CELF2: variants seen among roughly 807,000 people sequenced by gnomAD.
The protein encoded by CELF2 is CUGBP Elav-like family member 2.
CELF2 carries 8 observed loss-of-function variants against 62.6 expected under a neutral mutation model. The ratio of observed to expected loss-of-function variants is 0.13; its 90% CI spans 0.07 to 0.23. The LOEUF (loss-of-function observed/expected upper bound fraction) is 0.23, where lower values mean the gene tolerates loss of function less well. CELF2 is among the 10% of genes least tolerant of loss of function. The pLI, the probability that CELF2 is intolerant of heterozygous loss-of-function variation, is 1.00. For synonymous variants in CELF2, 258 were observed against 250.0 expected (o/e 1.03, Z -0.30); for missense variants, 333 against 671.0 (o/e 0.50, Z 5.56).
intron 1 of CELF2, among the ~76,000 whole-genome samples, chr10:10,852,436 T>C (rs558068983): frequency 2.6e-5 from 4 of 152,138 alleles, no homozygotes; most frequent in African/African-American, 9.6e-5. Context: ...GGTGCTGGAG[T>C]TGGGGCTGGA....
At chr10:11,017,141 C>G (rs377474530), upstream of CELF2, among the ~76,000 whole-genome samples, 2 of 152,158 alleles carry the variant, frequency 1.3e-5, no homozygotes, top group East Asian at 3.8e-4. The surrounding 1 kb of genome is among the most constrained non-coding windows in gnomAD (Gnocchi z 5.5). Flanking sequence ...CCATTTTTCT[C>G]AATTCTTGTT....
the CELF2 span, among the ~76,000 whole-genome samples, chr10:10,652,951 T>G: frequency 6.6e-6 from 1 of 152,270 alleles, no homozygotes; most frequent in African/African-American, 2.4e-5. Context: ...GACCCATCAG[T>G]GTGCTGTACT....
chr10:10,530,271 T>C, the CELF2 span, among the ~76,000 whole-genome samples: 14 of 152,292 alleles, frequency 9.2e-5, no homozygotes, highest in African/African-American at 3.4e-4. Context: ...TTATACAGGA[T>C]AAAAAGATTG....
chr10:11,048,525 T>C (rs2063277199), intron 1 of CELF2, among the ~76,000 whole-genome samples: 1 of 152,230 alleles, frequency 6.6e-6, no homozygotes, highest in Non-Finnish European at 1.5e-5. Context: ...GGTTTTCTGT[T>C]TTATCCCACC....
At chr10:10,896,382 A>G (rs1763354475) in intron 1 of CELF2, among the ~76,000 whole-genome samples, 1 of 152,140 alleles carries the variant, frequency 6.6e-6, no homozygotes, top group South Asian at 2.1e-4. Context: ...GGAAAGGATA[A>G]AAAAAGATAC....
chr10:10,741,492 C>CA, the CELF2 span, among the ~76,000 whole-genome samples: 13,269 of 56,832 alleles, frequency 0.23, 2,050 homozygotes, highest in East Asian at 0.48. Context: ...GACTCCGTCT[C>CA]AAAAAAAAAA....
At chr10:11,252,804 C>T (rs1260132290) in intron 4 of CELF2, among the ~76,000 whole-genome samples, 2 of 152,204 alleles carry the variant, frequency 1.3e-5, no homozygotes, top group Non-Finnish European at 2.9e-5. Context: ...GAAGCAAAAA[C>T]TGCTGGGGCT....
intron 9 of CELF2, among the ~76,000 whole-genome samples, chr10:11,299,348 C>T (rs975036500): frequency 6.6e-6 from 1 of 152,236 alleles, no homozygotes; most frequent in African/African-American, 2.4e-5. Context: ...TGTGACGTCC[C>T]TGGGCTGCGC....
At chr10:11,320,743 GC>G in intron 10 of CELF2, 1 of 1,106,782 alleles carries the variant, frequency 9.0e-7, no homozygotes, top group Non-Finnish European at 1.3e-6. Flanking sequence ...TTCCTCCTCA[GC>G]CCTGCAAGCT....
At chr10:10,547,772 T>C in the CELF2 span, among the ~76,000 whole-genome samples, 1 of 151,742 alleles carries the variant, frequency 6.6e-6, no homozygotes, top group Non-Finnish European at 1.5e-5. Flanking sequence ...TTCTGAAGAC[T>C]TGATTCATCA....
intron 2 of CELF2, among the ~76,000 whole-genome samples, chr10:10,971,599 T>C (rs971317752): frequency 6.6e-6 from 1 of 152,176 alleles, no homozygotes; most frequent in African/African-American, 2.4e-5. Context: ...GTTGTTGTTT[T>C]GTTTACAGAC....
chr10:11,154,789 G>C (rs1596293481), intron 1 of CELF2, among the ~76,000 whole-genome samples: 1 of 152,220 alleles, frequency 6.6e-6, no homozygotes, highest in East Asian at 1.9e-4. Context: ...ATACATTACT[G>C]ACTGAAAAAA....
chr10:10,497,981 G>C, the CELF2 span, among the ~76,000 whole-genome samples: 1 of 152,206 alleles, frequency 6.6e-6, no homozygotes, highest in East Asian at 1.9e-4. Flanking sequence ...AGTAATTCAG[G>C]TCAGAGGTGA....
chr10:10,651,068 G>A, the CELF2 span, among the ~76,000 whole-genome samples: 1 of 151,714 alleles, frequency 6.6e-6, no homozygotes, highest in African/African-American at 2.4e-5. Context: ...GGAAGCGCAA[G>A]GGGTCAGGGA....
chr10:10,950,336 G>T (rs2048182833), intron 2 of CELF2, among the ~76,000 whole-genome samples: 1 of 152,100 alleles, frequency 6.6e-6, no homozygotes. Flanking sequence ...TTCTCTCTGT[G>T]GTCCCAGCGA....
the CELF2 span, among the ~76,000 whole-genome samples, chr10:10,745,357 T>C: frequency 6.6e-6 from 1 of 152,150 alleles, no homozygotes; most frequent in Non-Finnish European, 1.5e-5. Context: ...CCTTTCATAG[T>C]TTTCAAGGCA....
At chr10:10,584,261 C>G in the CELF2 span, among the ~76,000 whole-genome samples, 19 of 152,314 alleles carry the variant, frequency 1.2e-4, no homozygotes, top group South Asian at 3.9e-3. Context: ...CCCCCAGAAT[C>G]ATAGCAGATT....
At chr10:11,294,171 CGAGTCTGGTATCA>C (rs2092875531) in intron 9 of CELF2, among the ~76,000 whole-genome samples, 1 of 152,148 alleles carries the variant, frequency 6.6e-6, no homozygotes, top group South Asian at 2.1e-4. Context: ...AGAATAAGTA[CGAGTCTGGTATCA>C]GAGAAGGGCA....
At chr10:10,667,387 A>G in the CELF2 span, among the ~76,000 whole-genome samples, 1 of 152,246 alleles carries the variant, frequency 6.6e-6, no homozygotes, top group South Asian at 2.1e-4. Context: ...CTTTCCAAAT[A>G]AAAGAAAGCA....
Sources: allele counts gnomAD v4.1 joint callset (sites outside exome capture counted in the v4.1 genomes callset), GRCh38; gene constraint gnomAD v4.1.1; non-coding constraint Gnocchi (gnomAD v3.1); transcripts MANE v1.5; gene names NCBI Gene and HGNC (gene_info 2026-07-23, HGNC 2026-07-21).